Variants in NAMPT observed in about 807,000 individuals in gnomAD.
NAMPT encodes nicotinamide phosphoribosyltransferase, also known as NAmPRTase.
NAMPT carries 7 observed loss-of-function variants against 58.7 expected under a neutral mutation model. The observed-to-expected ratio is 0.12, with a 90% confidence interval of 0.07 to 0.22. The LOEUF is 0.22. Among genes scored for constraint, NAMPT ranks in the 10% least tolerant of loss-of-function variants. The pLI is 1.00. For synonymous variants in NAMPT, 145 were observed against 198.1 expected, an observed-to-expected ratio of 0.73 and a Z score of 2.25; for missense variants, 271 against 567.9, an observed-to-expected ratio of 0.48 and a Z score of 5.31.
At position 106,254,555 on chromosome 7, in the gene NAMPT, A is replaced by G. The variant is rs1198137508; in HGVS notation, c.1090-51T>C. The G allele has an allele frequency of 2.5e-6, 4 of 1,570,562 alleles. No individual in the cohort carries two copies. The African/African-American group carries it at 4.1e-5, about 16-fold the overall frequency. ...CAAACCAAACCTTAATTTGGAAGAGAATGGAGATTATTTTCAAGGGACAAT... is the reference window on the plus strand; with the variant it reads ...CAAACCAAACCTTAATTTGGAAGAGGATGGAGATTATTTTCAAGGGACAAT... On this transcript the variant is annotated intron_variant, in intron 8 of 10. Transcript: ENST00000222553.
In NAMPT at chr7:106,284,818, C is replaced by T; in HGVS notation, c.57+10G>A. The stretch of plus-strand genomic sequence containing the variant: ...CGCTCCTCCTCATCTGCCCGGGCCC[C>T]GAGCTTTACCTTGTAGGAGTCGGTG... On this transcript the variant is annotated intron_variant, in intron 1 of 10. Coordinates refer to ENST00000222553, the MANE Select transcript of NAMPT (RefSeq NM_005746.3). 1.3e-6 allele frequency: 2 copies of T among 1,538,034 alleles called. No homozygotes were observed. Among genetic ancestry groups the T allele is most frequent in the Non-Finnish European group, 1.8e-6 (2 of 1,138,678 alleles).
chr7:106,258,914 C>T (rs868592800), intron 8 of NAMPT, among the ~76,000 whole-genome samples: 1 of 149,026 alleles, frequency 6.7e-6, no homozygotes, highest in Non-Finnish European at 1.5e-5. Flanking sequence ...CGTCAATTGA[C>T]TCTATCACGA....
At chr7:106,263,366 T>C in intron 7 of NAMPT, 26 bp downstream of exon 7, 2 of 1,512,248 alleles carry the variant, frequency 1.3e-6, no homozygotes, top group Non-Finnish European at 1.8e-6. Flanking sequence ...GGGATTCTAA[T>C]AATAAAGTTA....
At chr7:106,271,164 A>T (rs1792525291) in intron 4 of NAMPT, among the ~76,000 whole-genome samples, 1 of 152,032 alleles carries the variant, frequency 6.6e-6, no homozygotes, top group South Asian at 2.1e-4. Flanking sequence ...GCGGAGGTGG[A>T]GCTGATTCAT....
At chr7:106,268,850 AT>A (rs1335825275) in intron 5 of NAMPT, among the ~76,000 whole-genome samples, 1 of 152,116 alleles carries the variant, frequency 6.6e-6, no homozygotes, top group Non-Finnish European at 1.5e-5. Context: ...CCCACTTTTC[AT>A]CACTCTCTCT....
At chr7:106,263,641 G>A in intron 6 of NAMPT, 24 bp from the exon 7 acceptor site, 1 of 1,551,478 alleles carries the variant, frequency 6.4e-7, no homozygotes, top group Non-Finnish European at 8.9e-7. Context: ...TGAAAACACA[G>A]ATTTACTTAG....
chr7:106,257,248 A>G lies in NAMPT; in HGVS notation c.1090-2744T>C, dbSNP rs556955948. ...GTTCTGTTTAAGTTTCACTAATGCC[A>G]AAGAGTATTTATCTCAATATTCTTG... On this transcript the variant is annotated intron_variant, in intron 8 of 10. Transcript: ENST00000222553. Among the ~76,000 whole-genome samples the G allele has an allele frequency of 9.9e-5, 15 of 152,204 alleles. No homozygotes were observed. In the South Asian group the frequency reaches 2.9e-3, roughly 29 times the overall value.
At chr7:106,255,117 G>GT (rs1773348015) in intron 8 of NAMPT, among the ~76,000 whole-genome samples, 1 of 152,202 alleles carries the variant, frequency 6.6e-6, no homozygotes, top group African/African-American at 2.4e-5. Flanking sequence ...TAAGATTACT[G>GT]TATCATTTTT....
At chr7:106,272,043 G>A in intron 4 of NAMPT, 1 of 341,466 alleles carries the variant, frequency 2.9e-6, no homozygotes, top group Non-Finnish European at 5.9e-6. Flanking sequence ...AATATGAACA[G>A]CAGATCTTGT....
At chr7:106,256,084 G>A (rs1792194262) in intron 8 of NAMPT, among the ~76,000 whole-genome samples, 1 of 152,144 alleles carries the variant, frequency 6.6e-6, no homozygotes, top group Admixed American at 6.6e-5. Flanking sequence ...TAATACATGT[G>A]AGACTTCAAA....
intron 8 of NAMPT, among the ~76,000 whole-genome samples, chr7:106,256,738 G>C (rs983372665): frequency 1.3e-5 from 2 of 152,146 alleles, no homozygotes; most frequent in Admixed American, 1.3e-4. Flanking sequence ...TAAACTACGA[G>C]GTCTAGTAGG....
intron 6 of NAMPT, among the ~76,000 whole-genome samples, chr7:106,265,754 T>A (rs984116510): frequency 1.3e-5 from 2 of 152,136 alleles, no homozygotes; most frequent in African/African-American, 4.8e-5. Flanking sequence ...ATTCTTCTAG[T>A]ACAGTATGTG....
At chr7:106,276,735 G>A (rs891731591) in intron 2 of NAMPT, 6 of 302,650 alleles carry the variant, frequency 2.0e-5, no homozygotes, top group African/African-American at 6.6e-5. Context: ...CCATCTACTC[G>A]GGAGGCAGAG....
At chr7:106,268,799 C>G (rs1463712173) in intron 5 of NAMPT, among the ~76,000 whole-genome samples, 199 bp from the exon 6 acceptor site, 1 of 152,184 alleles carries the variant, frequency 6.6e-6, no homozygotes, top group Admixed American at 6.5e-5. Context: ...AAAAAATCAA[C>G]TATTATCTCC....
intron 8 of NAMPT, among the ~76,000 whole-genome samples, chr7:106,258,280 T>C (rs1161268991): frequency 6.6e-6 from 1 of 152,222 alleles, no homozygotes; most frequent in Middle Eastern, 3.2e-3. Context: ...GAAATACTGT[T>C]TGATTTGGAA....
At chr7:106,269,984 TACTC>T (rs1440644245) in intron 4 of NAMPT, among the ~76,000 whole-genome samples, 10 of 152,364 alleles carry the variant, frequency 6.6e-5, no homozygotes, top group South Asian at 4.1e-4. Context: ...TTTGATAAAA[TACTC>T]ACGTAAGTTA....
Position 106,249,281 on chromosome 7 carries a change from A to C in NAMPT, c.*1802T>G, listed in dbSNP as rs1792069616. On this transcript the variant is annotated 3_prime_UTR_variant, in exon 11 of 11. Coordinates refer to ENST00000222553, the MANE Select transcript of NAMPT (RefSeq NM_005746.3). Reference sequence around the variant, plus strand: ...TACATGTTTAAAGAACCATCTGAAAAACATATTCTTTCTAATACCACTTAC... The same window carrying C: ...TACATGTTTAAAGAACCATCTGAAACACATATTCTTTCTAATACCACTTAC... 6.6e-6 allele frequency: 1 copy of C among 152,634 alleles called. No homozygotes were observed. The highest frequency in any genetic ancestry group is 2.1e-4 in the South Asian group (1 of 4,824). The allele number at this position is 152,634 out of a possible 1,614,324, so 9.5% of individuals were successfully genotyped here. A position where few individuals can be genotyped will look rare whatever the true frequency, so the allele number is the denominator to read the frequency against.
intron 1 of NAMPT, among the ~76,000 whole-genome samples, chr7:106,283,034 CA>C (rs1322240287): frequency 6.6e-6 from 1 of 152,110 alleles, no homozygotes; most frequent in African/African-American, 2.4e-5. Context: ...GTGGAATACA[CA>C]ATCTATTTTA....
chr7:106,254,262 G>C (rs556936849), intron 9 of NAMPT, 102 bp downstream of exon 9: 117 of 1,324,630 alleles, frequency 8.8e-5, no homozygotes, highest in Middle Eastern at 6.1e-4. Flanking sequence ...CATATTAACA[G>C]TCCACGGCCA....
Sources: allele counts gnomAD v4.1 joint callset (sites outside exome capture counted in the v4.1 genomes callset), GRCh38; gene constraint gnomAD v4.1.1; transcripts MANE v1.5; gene names NCBI Gene and HGNC (gene_info 2026-07-23, HGNC 2026-07-21).